ADCY9: variants seen among roughly 807,000 people sequenced by gnomAD.
ADCY9 encodes adenylate cyclase 9.
ADCY9 carries 50 observed loss-of-function variants against 101.5 expected under a neutral mutation model. The observed-to-expected ratio is 0.49, with a 90% CI of 0.39 to 0.62. ADCY9 has a LOEUF of 0.62. Ranked by LOEUF, ADCY9 falls within the 20% of genes least tolerant of loss-of-function variation. ADCY9 has a pLI of 0.00. For missense variants in ADCY9, 1,662 were observed against 1,800.4 expected, an observed-to-expected ratio of 0.92 and a Z score of 1.39; for synonymous variants, 905 against 769.3, an observed-to-expected ratio of 1.18 and a Z score of -2.92.
chr16:4,045,594 TAAAAAAAAAAAA>T (rs545715002), intron 2 of ADCY9, among the ~76,000 whole-genome samples: 4 of 64,964 alleles, frequency 6.2e-5, no homozygotes, highest in African/African-American at 2.3e-4. Flanking sequence ...GACTCTGCCT[TAAAAAAAAAAAA>T]AAAAAAAAAA....
intron 2 of ADCY9, among the ~76,000 whole-genome samples, chr16:4,016,628 C>A (rs1351597692): frequency 6.6e-6 from 1 of 152,110 alleles, no homozygotes; most frequent in African/African-American, 2.4e-5. Flanking sequence ...AATTTAAAAT[C>A]TGAGACTAGG....
intron 2 of ADCY9, among the ~76,000 whole-genome samples, chr16:4,034,827 G>A (rs902866344): frequency 2.0e-5 from 3 of 152,208 alleles, no homozygotes; most frequent in Non-Finnish European, 1.5e-5. Context: ...CCCCTGAAGT[G>A]TAACTATGAA....
Position 3,983,369 on chromosome 16 carries a change from C to T in ADCY9, c.2382G>A (p.Ser794=), listed in dbSNP as rs761939018. 17 of 1,605,736 alleles carry T rather than the reference C, an allele frequency of 1.1e-5. No individual in the cohort carries two copies. Among genetic ancestry groups the T allele is most frequent in the African/African-American group, 5.4e-5 (4 of 74,704 alleles). The change falls in exon 7 of 11, where the codon TCG becomes TCA. Residue 794 remains serine, a synonymous_variant. Transcript: ENST00000294016. ...TGGACAGCGTCAGAAACACTGTGGT[C>T]GACAGAAACACATCCAGGAGGGAGC... ...TFSSLLDVFL[S]TTVFLTLSTT... is the part of the protein sequence containing the mutation.
intron 2 of ADCY9, among the ~76,000 whole-genome samples, chr16:4,066,175 A>T (rs1017006135): frequency 1.3e-5 from 2 of 152,202 alleles, no homozygotes; most frequent in African/African-American, 2.4e-5. Flanking sequence ...TCTACATCTC[A>T]TTATGAAAAT....
At chr16:4,044,890 A>T (rs1336153392) in intron 2 of ADCY9, among the ~76,000 whole-genome samples, 10 of 152,058 alleles carry the variant, frequency 6.6e-5, no homozygotes, top group Non-Finnish European at 1.2e-4. Flanking sequence ...CCAGACCAAC[A>T]ATCCACTTCC....
chr16:4,009,251 ATGTTTTGTTTTGTTT>A (rs113201607), intron 2 of ADCY9, among the ~76,000 whole-genome samples: 85 of 151,004 alleles, frequency 5.6e-4, no homozygotes, highest in Middle Eastern at 3.4e-3. Flanking sequence ...GAAACTCTTC[ATGTTTTGTTTTGTTT>A]TGTTTTGTTT....
chr16:4,105,553 A>G (rs1035964622), intron 2 of ADCY9, among the ~76,000 whole-genome samples: 1 of 151,712 alleles, frequency 6.6e-6, no homozygotes, highest in African/African-American at 2.4e-5. Context: ...GGTGGCATGC[A>G]TCTGTAATCC....
At chr16:3,988,517 G>C (rs932709530) in intron 6 of ADCY9, among the ~76,000 whole-genome samples, 1 of 143,396 alleles carries the variant, frequency 7.0e-6, no homozygotes, top group Non-Finnish European at 1.5e-5. Flanking sequence ...TCCCTTCCAG[G>C]GCAGGTGTCG....
At chr16:3,979,009 C>T in intron 8 of ADCY9, 107 bp downstream of exon 8, 1 of 1,462,374 alleles carries the variant, frequency 6.8e-7, no homozygotes, top group South Asian at 1.2e-5. Flanking sequence ...GCCACCATGC[C>T]TGGCCAAAGG....
At chr16:4,101,435 A>G (rs1044785237) in intron 2 of ADCY9, among the ~76,000 whole-genome samples, 1 of 152,054 alleles carries the variant, frequency 6.6e-6, no homozygotes, top group Non-Finnish European at 1.5e-5. Flanking sequence ...ACATGCCACC[A>G]TGCACGGCTA....
chr16:4,112,675 G>C (rs1031143553), intron 2 of ADCY9, among the ~76,000 whole-genome samples: 2 of 151,990 alleles, frequency 1.3e-5, no homozygotes, highest in African/African-American at 4.8e-5. Context: ...TATGCAGTGT[G>C]TGGGGACCAC....
intron 5 of ADCY9, among the ~76,000 whole-genome samples, chr16:3,956,487 G>GTTTTTTTTTTTT (rs1567408343): frequency 2.3e-4 from 5 of 21,834 alleles, no homozygotes; most frequent in African/African-American, 3.1e-4. Context: ...AGCGCAATGA[G>GTTTTTTTTTTTT]CTTTTTTTTT....
At chr16:4,044,329 AGAGT>A (rs2141141737) in intron 2 of ADCY9, among the ~76,000 whole-genome samples, 1 of 152,250 alleles carries the variant, frequency 6.6e-6, no homozygotes, top group South Asian at 2.1e-4. Context: ...CCTGAGCAAC[AGAGT>A]GAGACTCCAT....
downstream of ADCY9, among the ~76,000 whole-genome samples, chr16:3,959,453 A>C (rs2055926458): frequency 6.6e-6 from 1 of 152,018 alleles, no homozygotes; most frequent in Non-Finnish European, 1.5e-5. Context: ...TGGTAAAGCC[A>C]CTGGGACAAG....
At chr16:3,990,155 C>G (rs1490383684) in intron 5 of ADCY9, among the ~76,000 whole-genome samples, 1 of 152,186 alleles carries the variant, frequency 6.6e-6, no homozygotes, top group African/African-American at 2.4e-5. Flanking sequence ...CTCCCTCATA[C>G]AGTGACTATC....
intron 6 of ADCY9, among the ~76,000 whole-genome samples, chr16:3,984,856 C>T (rs1202996286): frequency 5.9e-5 from 9 of 152,198 alleles, no homozygotes; most frequent in African/African-American, 1.7e-4. Context: ...GCCCTGGGTG[C>T]GGTGTGCGTT....
chr16:4,077,600 C>T (rs1424358648), intron 2 of ADCY9, among the ~76,000 whole-genome samples: 1 of 152,098 alleles, frequency 6.6e-6, no homozygotes, highest in Non-Finnish European at 1.5e-5. Flanking sequence ...TTGGCCTTTA[C>T]CTTTCAGTCC....
chr16:4,053,552 T>A (rs2056715658), intron 2 of ADCY9, among the ~76,000 whole-genome samples: 1 of 152,212 alleles, frequency 6.6e-6, no homozygotes, highest in Admixed American at 6.5e-5. Flanking sequence ...GCTGATTGTG[T>A]GGCCCAGCTG....
intron 2 of ADCY9, among the ~76,000 whole-genome samples, chr16:4,045,412 T>A (rs569289093): frequency 6.6e-6 from 1 of 151,752 alleles, no homozygotes; most frequent in African/African-American, 2.4e-5. Context: ...CTGACTAACA[T>A]GGTGAAACCC....
Sources: gnomAD v4.1 joint callset for allele counts (sites outside exome capture counted in the v4.1 genomes callset) on GRCh38, gnomAD v4.1.1 for gene constraint, MANE v1.5 for transcripts, NCBI Gene and HGNC (gene_info 2026-07-23, HGNC 2026-07-21) for gene names.